SARDH: variants seen among roughly 807,000 people sequenced by gnomAD.
SARDH encodes the protein sarcosine dehydrogenase, also known as sarcosine dehydrogenase, mitochondrial.
In SARDH, 95 loss-of-function variants were observed where a neutral mutation model predicts 109.1. The observed-to-expected ratio is 0.87, with a 90% CI of 0.74 to 1.03. The LOEUF is 1.03. Ranked by LOEUF, SARDH falls within the 50% of genes least tolerant of loss-of-function variation. The probability of loss-of-function intolerance (pLI) is 0.00; values close to 1 mark genes in which losing one functional copy is unlikely to be tolerated. For missense variants in SARDH, 1,267 were observed against 1,287.8 expected (o/e 0.98, Z 0.25); for synonymous variants, 572 against 534.8 (o/e 1.07, Z -0.96).
intron 10 of SARDH, among the ~76,000 whole-genome samples, chr9:133,708,689 AG>A (rs1228331687): frequency 1.3e-5 from 2 of 151,940 alleles, no homozygotes; most frequent in Non-Finnish European, 2.9e-5. Context: ...CATCCCCCAC[AG>A]GGACATGGGA....
rs968866575 is a variant in SARDH, at chr9:133,666,948, T to G, written c.2496-78A>C. The G allele has an allele frequency of 4.1e-5, 65 of 1,570,324 alleles. No homozygotes were observed. Among genetic ancestry groups the G allele is most frequent in the Non-Finnish European group, 5.6e-5 (65 of 1,154,612 alleles). Reference sequence around the variant, plus strand: ...GCGTCCACAGCGGCCTGGAGGAGAATGGGGGGCTGCATGATGCACACCCAA... The same window carrying G: ...GCGTCCACAGCGGCCTGGAGGAGAAGGGGGGGCTGCATGATGCACACCCAA... On this transcript the variant is annotated intron_variant, in intron 19 of 20. Coordinates refer to ENST00000439388, the MANE Select transcript of SARDH (RefSeq NM_001134707.2). This position sits in a 1 kb window ranked among gnomAD's most constrained non-coding sequence, Gnocchi z 5.2.
chr9:133,723,854 T>G (rs889316048), intron 6 of SARDH, among the ~76,000 whole-genome samples: 3 of 152,244 alleles, frequency 2.0e-5, no homozygotes, highest in African/African-American at 2.4e-5. Flanking sequence ...GGAAGCAGAC[T>G]TTGTAAAAAA....
chr9:133,730,425 G>A (rs1335919606), intron 4 of SARDH, among the ~76,000 whole-genome samples: 1 of 151,380 alleles, frequency 6.6e-6, no homozygotes, highest in Non-Finnish European at 1.5e-5. Context: ...TGACTTGTGG[G>A]GGGAACCCTC....
intron 8 of SARDH, among the ~76,000 whole-genome samples, chr9:133,715,351 GA>G (rs1832080165): frequency 6.6e-6 from 1 of 152,206 alleles, no homozygotes; most frequent in Admixed American, 6.5e-5. Flanking sequence ...GAGACAGAGA[GA>G]CGCCTGGGGT....
intron 15 of SARDH, 72 bp downstream of exon 15, chr9:133,694,186 G>T: frequency 3.5e-6 from 4 of 1,158,062 alleles, no homozygotes; most frequent in Non-Finnish European, 3.7e-6. Flanking sequence ...CGTCCATCCT[G>T]CCCTGTCCAC....
At chr9:133,705,646 GC>G (rs1387512212) in intron 11 of SARDH, among the ~76,000 whole-genome samples, 10 of 145,998 alleles carry the variant, frequency 6.8e-5, no homozygotes, top group Non-Finnish European at 9.0e-5. Flanking sequence ...ATCTGCCCTG[GC>G]CCCGATAACC....
chr9:133,680,240 A>C (rs1471981396), intron 17 of SARDH, among the ~76,000 whole-genome samples: 3 of 152,206 alleles, frequency 2.0e-5, no homozygotes, highest in African/African-American at 7.2e-5. Context: ...CGACCCGCAG[A>C]AGGACCGGGC....
In SARDH at chr9:133,712,998, C is replaced by T; in HGVS notation, c.1237+40G>A. On this transcript the variant is annotated intron_variant, in intron 9 of 20. Transcript: ENST00000439388. This position sits in a 1 kb window ranked among gnomAD's most constrained non-coding sequence, Gnocchi z 4.1. ...CCCAGAGCTCTGGGAATGACAGGAC[C>T]TCCCTCTTGGGGGCCAGGAGGGCTG... 1.3e-6 allele frequency: 2 copies of T among 1,563,444 alleles called. No individual in the cohort carries two copies. Among genetic ancestry groups the T allele is most frequent in the Non-Finnish European group, 1.7e-6 (2 of 1,147,100 alleles).
In SARDH at chr9:133,704,979, G is replaced by A. The variant is rs766600569; in HGVS notation, c.1523C>T (p.Pro508Leu). 1.1e-5 allele frequency: 18 copies of A among 1,585,888 alleles called. No individual in the cohort carries two copies. Among genetic ancestry groups the A allele is most frequent in the Admixed American group, 1.1e-4 (6 of 55,002 alleles). ...TGGGCCTCGGGGATGAAACCATCCC[G>A]GTCGCTCCCAGCCATGCCGCTCCTG... ...VFQERHGWER[P>L]GWFHPRGPAP... The change falls in exon 12 of 21, where the codon CCG becomes CTG. Residue 508 changes from proline (P) to leucine (L), a missense_variant. Pro to Leu is a moderately conservative substitution (Grantham distance 98). Coordinates refer to ENST00000439388, the MANE Select transcript of SARDH (RefSeq NM_001134707.2). This position sits in a 1 kb window ranked among gnomAD's most constrained non-coding sequence, Gnocchi z 4.5.
intron 6 of SARDH, among the ~76,000 whole-genome samples, chr9:133,729,289 C>G (rs903376540): frequency 1.3e-5 from 2 of 151,988 alleles, no homozygotes; most frequent in Admixed American, 6.6e-5. Context: ...CAGGAGGCAC[C>G]CAGCCCCAGG....
intron 13 of SARDH, among the ~76,000 whole-genome samples, chr9:133,699,370 G>A (rs1831399958): frequency 6.6e-6 from 1 of 152,142 alleles, no homozygotes; most frequent in Non-Finnish European, 1.5e-5. Flanking sequence ...GCTGGGCGTG[G>A]TGGTGTGCAC....
Position 133,718,984 on chromosome 9 carries a change from G to C in SARDH, c.974C>G (p.Ala325Gly). 6.2e-7 allele frequency: 1 copy of C among 1,614,170 alleles called. No individual in the cohort carries two copies. The highest frequency in any genetic ancestry group is 8.5e-7 in the Non-Finnish European group (1 of 1,180,024). ...ASVYLRLQGDALSVGGYEANP... is the reference protein window; with the variant it reads ...ASVYLRLQGDGLSVGGYEANP... ...GGCCTCATAGCCACCCACAGACAAG[G>C]CATCCCCTTGGAGGCGGAGGTAGAC... The change falls in exon 7 of 21, where the codon GCC (alanine) becomes GGC (glycine). Residue 325 changes from alanine to glycine, a missense_variant. Physicochemically the swap from Ala to Gly is moderately conservative, Grantham distance 60 (BLOSUM62 0). Coordinates refer to ENST00000439388, the MANE Select transcript of SARDH (RefSeq NM_001134707.2). This position sits in a 1 kb window ranked among gnomAD's most constrained non-coding sequence, Gnocchi z 4.2.
chr9:133,690,115 G>A lies in SARDH; in HGVS notation c.2069+265C>T, dbSNP rs1831038407. Among the ~76,000 whole-genome samples the A allele has an allele frequency of 3.3e-5, 5 of 152,292 alleles. No homozygotes were observed. The South Asian group carries it at 1.0e-3, about 32-fold the overall frequency. ...GGACGGTAATTCCTAGACTGCACTG[G>A]TGACTCAGAGACTGCCCTCCCCTCT... On this transcript the variant is annotated intron_variant, in intron 16 of 20. Coordinates refer to ENST00000439388, the MANE Select transcript of SARDH (RefSeq NM_001134707.2).
Position 133,670,636 on chromosome 9 carries a change from G to A in SARDH, c.2443C>T (p.Gln815Ter). The change falls in exon 19 of 21, where the codon CAG becomes TAG. Residue 815 changes from glutamine (Q) to a stop codon, truncating the protein, a stop_gained. Transcript: ENST00000439388. LOFTEE classifies it high-confidence loss of function. Reference protein sequence around the residue: ...VPFLGREALEQQRAAGLRRRL... With the variant: ...VPFLGREALE ...CGGCGGAGGCCTGCGGCCCGCTGCT[G>A]CTCCAGGGCCTCCCTCCCCAGGAAG... 1 of 1,585,122 alleles carries A rather than the reference G, an allele frequency of 6.3e-7. No homozygotes were observed. Among genetic ancestry groups the A allele is most frequent in the Non-Finnish European group, 8.6e-7 (1 of 1,166,270 alleles).
At chr9:133,698,968 A>C (rs1200786102) in intron 13 of SARDH, among the ~76,000 whole-genome samples, 1 of 152,250 alleles carries the variant, frequency 6.6e-6, no homozygotes, top group East Asian at 1.9e-4. Flanking sequence ...AAGAGAGATG[A>C]CAACCACAGG....
At chr9:133,734,440 CTCATTCATTCAT>C (rs3081200) in intron 1 of SARDH, among the ~76,000 whole-genome samples, 3 of 102,122 alleles carry the variant, frequency 2.9e-5, no homozygotes, top group African/African-American at 5.2e-5. Flanking sequence ...CATTCATTCA[CTCATTCATTCAT>C]TCATTCACTC....
Position 133,663,666 on chromosome 9 carries a change from G to T in SARDH, c.*223C>A. Reference sequence around the variant, plus strand: ...AAGACACTTACAGGTTTGCTTTCTGGGAGGATTGGGGTGGATTAGAGACTG... The same window carrying T: ...AAGACACTTACAGGTTTGCTTTCTGTGAGGATTGGGGTGGATTAGAGACTG... On this transcript the variant is annotated 3_prime_UTR_variant, in exon 21 of 21. Transcript: ENST00000439388. The T allele has an allele frequency of 1.7e-6, 1 of 595,392 alleles. No homozygotes were observed. Among genetic ancestry groups the T allele is most frequent in the East Asian group, 2.8e-5 (1 of 35,512 alleles). The allele number at this position is 595,392 out of a possible 1,614,324, so 36.9% of individuals were successfully genotyped here. A position where few individuals can be genotyped will look rare whatever the true frequency, so the allele number is the denominator to read the frequency against.
intron 6 of SARDH, among the ~76,000 whole-genome samples, chr9:133,719,716 G>T (rs1832257321): frequency 6.8e-6 from 1 of 146,070 alleles, no homozygotes; most frequent in South Asian, 2.1e-4. Flanking sequence ...TTGACACCAG[G>T]GTCTCTCTAA....
At chr9:133,720,430 T>A (rs914864509) in intron 6 of SARDH, among the ~76,000 whole-genome samples, 8 of 152,132 alleles carry the variant, frequency 5.3e-5, no homozygotes, top group African/African-American at 1.9e-4. Flanking sequence ...CTCTGTCTCA[T>A]AAATAAATAA....
Sources: allele counts gnomAD v4.1 joint callset (sites outside exome capture counted in the v4.1 genomes callset), GRCh38; gene constraint gnomAD v4.1.1; non-coding constraint Gnocchi (gnomAD v3.1); transcripts MANE v1.5; gene names NCBI Gene and HGNC (gene_info 2026-07-23, HGNC 2026-07-21).